Variants in LAMC3 observed in about 807,000 individuals in gnomAD.
LAMC3 encodes laminin subunit gamma 3, also known as laminin subunit gamma-3.
LAMC3 carries 128 observed loss-of-function variants against 173.8 expected under a neutral mutation model. That is an observed-to-expected ratio of 0.74 (90% CI 0.64 to 0.85). The LOEUF (loss-of-function observed/expected upper bound fraction) is 0.85, where lower values mean the gene tolerates loss of function less well. LAMC3 is among the 40% of genes least tolerant of loss of function. The probability of loss-of-function intolerance (pLI) is 0.00; values close to 1 mark genes in which losing one functional copy is unlikely to be tolerated. For synonymous variants in LAMC3, 897 were observed against 909.1 expected, an observed-to-expected ratio of 0.99 and a Z score of 0.24; for missense variants, 2,022 against 2,156.0, an observed-to-expected ratio of 0.94 and a Z score of 1.23.
At chr9:131,064,454 G>C (rs1829886968) in intron 13 of LAMC3, among the ~76,000 whole-genome samples, 1 of 148,120 alleles carries the variant, frequency 6.8e-6, no homozygotes, top group Non-Finnish European at 1.5e-5. Flanking sequence ...ACAAGGTCAG[G>C]AGATCGAGAC....
chr9:131,024,707 G>A (rs190683213), intron 1 of LAMC3, among the ~76,000 whole-genome samples: 2 of 152,186 alleles, frequency 1.3e-5, no homozygotes, highest in Non-Finnish European at 2.9e-5. Flanking sequence ...TCATTCATTC[G>A]TTCCTGCACC....
chr9:131,009,659 T>G lies in LAMC3; in HGVS notation c.373+72T>G. On this transcript the variant is annotated intron_variant, in intron 1 of 27. Transcript: ENST00000361069. The surrounding 1 kb of genome is among the most constrained non-coding windows in gnomAD (Gnocchi z 4.3). Reference sequence around the variant, plus strand: ...CCACTGGGGGTCTGAGGCTGAGGCCTGAGCTGCTGTGCGCCCAGGTTGGGC... The same window carrying G: ...CCACTGGGGGTCTGAGGCTGAGGCCGGAGCTGCTGTGCGCCCAGGTTGGGC... 1 of 1,517,580 alleles carries G rather than the reference T, an allele frequency of 6.6e-7. No individual in the cohort carries two copies. The highest frequency in any genetic ancestry group is 2.5e-5 in the East Asian group (1 of 40,192). The allele number at this position is 1,517,580 out of a possible 1,614,324, so 94.0% of individuals were successfully genotyped here.
rs892292177 is a variant in LAMC3 at position 131,075,928 on chromosome 9, A to G, written c.3592A>G (p.Arg1198Gly). 1 of 1,610,754 alleles carries G rather than the reference A, an allele frequency of 6.2e-7. No homozygotes were observed. The highest frequency in any genetic ancestry group is 8.5e-7 in the Non-Finnish European group (1 of 1,177,926). The change falls in exon 21 of 28, where the codon AGG becomes GGG. Residue 1198 changes from arginine (R) to glycine (G), a missense_variant. By Grantham distance (125) the Arg-to-Gly change is moderately radical. Coordinates refer to ENST00000361069, the MANE Select transcript of LAMC3 (RefSeq NM_006059.4). The stretch of plus-strand genomic sequence containing the variant: ...GCTTCTCTGGAATCTGCTGGAGGGA[A>G]GGGTGGCCCTAGAGACCCAGCGGGA... ...YALLWNLLEG[R>G]VALETQRDLE...
intron 21 of LAMC3, among the ~76,000 whole-genome samples, chr9:131,076,585 G>A (rs546580690): frequency 2.0e-4 from 31 of 152,336 alleles, no homozygotes; most frequent in Non-Finnish European, 3.8e-4. Flanking sequence ...GGAGGAGTAA[G>A]GGATGGAAGG....
chr9:131,080,752 G>C (rs2133341864), intron 23 of LAMC3, among the ~76,000 whole-genome samples: 2 of 152,206 alleles, frequency 1.3e-5, no homozygotes, highest in East Asian at 3.9e-4. Flanking sequence ...GCCAGGAAGA[G>C]AGGTGACTTC....
chr9:131,038,605 G>A (rs1163361992), intron 4 of LAMC3, among the ~76,000 whole-genome samples: 2 of 152,126 alleles, frequency 1.3e-5, no homozygotes, highest in African/African-American at 4.8e-5. Context: ...TTGTTGCCTG[G>A]GATGGTCTTC....
At chr9:131,016,426 A>C (rs1173797000) in intron 1 of LAMC3, among the ~76,000 whole-genome samples, 4 of 152,198 alleles carry the variant, frequency 2.6e-5, no homozygotes, top group Non-Finnish European at 5.9e-5. Context: ...TTTGGGGAAA[A>C]GTACATGTCA....
At chr9:131,022,521 G>C (rs1042922712) in intron 1 of LAMC3, among the ~76,000 whole-genome samples, 5 of 151,988 alleles carry the variant, frequency 3.3e-5, no homozygotes, top group African/African-American at 1.2e-4. Context: ...ACACACAGTT[G>C]TGCAGCCATC....
chr9:131,060,919 G>A, intron 12 of LAMC3, 116 bp from the exon 13 acceptor site: 1 of 1,029,174 alleles, frequency 9.7e-7, no homozygotes. Flanking sequence ...GCCTCTGCCT[G>A]GGAAAGGTCC....
intron 2 of LAMC3, among the ~76,000 whole-genome samples, chr9:131,031,324 G>A (rs889388450): frequency 2.6e-5 from 4 of 152,194 alleles, no homozygotes; most frequent in African/African-American, 7.2e-5. Flanking sequence ...TCCCCTCCAC[G>A]CTCTTCCATG....
chr9:131,059,502 A>G (rs1829765683), intron 12 of LAMC3, among the ~76,000 whole-genome samples: 2 of 142,712 alleles, frequency 1.4e-5, no homozygotes, highest in African/African-American at 5.1e-5. Flanking sequence ...AAAAAAAAAA[A>G]AAAAAAAAAA....
intron 27 of LAMC3, among the ~76,000 whole-genome samples, chr9:131,088,845 G>A (rs1830373525): frequency 6.6e-6 from 1 of 152,024 alleles, no homozygotes; most frequent in African/African-American, 2.4e-5. Context: ...ACTTTGAGAG[G>A]CTAAGGTGGG....
intron 3 of LAMC3, among the ~76,000 whole-genome samples, chr9:131,032,433 T>TCCTTCCTCCCTCCCTCCCTC (rs1833842136): frequency 1.3e-5 from 2 of 151,214 alleles, no homozygotes; most frequent in Admixed American, 6.6e-5. Flanking sequence ...GGAGGTTCCT[T>TCCTTCCTCCCTCCCTCCCTC]CCTTCCTCCC....
rs775411177 is a variant in LAMC3, at chr9:131,071,595, G to T, written c.3181G>T (p.Asp1061Tyr). 6 of 1,602,704 alleles carry T rather than the reference G, an allele frequency of 3.7e-6. No individual in the cohort carries two copies. Among genetic ancestry groups the T allele is most frequent in the Non-Finnish European group, 4.3e-6 (5 of 1,172,752 alleles). The change falls in exon 18 of 28, where the codon GAC becomes TAC. Residue 1061 changes from aspartate (D) to tyrosine (Y), a missense_variant. Physicochemically the swap from Asp to Tyr is radical, Grantham distance 160. Coordinates refer to ENST00000361069, the MANE Select transcript of LAMC3 (RefSeq NM_006059.4). Reference sequence around the variant, plus strand: ...TCTGCTGGGAGAGGCCCCAAGGGGGGACGTCTACCAGGGCCATCACCTGCT... The same window carrying T: ...TCTGCTGGGAGAGGCCCCAAGGGGGTACGTCTACCAGGGCCATCACCTGCT... Reference protein sequence around the residue: ...DILLGEAPRGDVYQGHHLLPG... With the variant: ...DILLGEAPRGYVYQGHHLLPG...
intron 20 of LAMC3, among the ~76,000 whole-genome samples, chr9:131,074,735 A>G (rs1280880069): frequency 6.6e-6 from 1 of 151,994 alleles, no homozygotes; most frequent in Non-Finnish European, 1.5e-5. Context: ...TTAAGATCCT[A>G]AAAACACAGG....
chr9:131,025,330 C>T (rs896458386), intron 1 of LAMC3, among the ~76,000 whole-genome samples: 23 of 152,170 alleles, frequency 1.5e-4, no homozygotes, highest in African/African-American at 5.3e-4. Flanking sequence ...TCTACCACAG[C>T]CATCCTCCCT....
At chr9:131,055,490 T>TCTCTG (rs1834383922) in intron 11 of LAMC3, among the ~76,000 whole-genome samples, 4 of 146,056 alleles carry the variant, frequency 2.7e-5, no homozygotes, top group African/African-American at 2.5e-5. Context: ...AGTGGCATGA[T>TCTCTG]CTCTGCTCAC....
intron 3 of LAMC3, among the ~76,000 whole-genome samples, chr9:131,034,047 A>C (rs1833898267): frequency 6.6e-6 from 1 of 152,146 alleles, no homozygotes; most frequent in African/African-American, 2.4e-5. Context: ...GGCGGCCATG[A>C]GCTCCAGTGC....
chr9:131,014,348 A>G (rs1345699376), intron 1 of LAMC3, among the ~76,000 whole-genome samples: 1 of 152,164 alleles, frequency 6.6e-6, no homozygotes, highest in Non-Finnish European at 1.5e-5. Flanking sequence ...TTCATCCACA[A>G]AACCATTGCA....
Sources: allele counts gnomAD v4.1 joint callset (sites outside exome capture counted in the v4.1 genomes callset), GRCh38; gene constraint gnomAD v4.1.1; non-coding constraint Gnocchi (gnomAD v3.1); transcripts MANE v1.5; gene names NCBI Gene and HGNC (gene_info 2026-07-23, HGNC 2026-07-21).